Variants in STAG1 observed in about 807,000 individuals in gnomAD.
STAG1 encodes the protein STAG1 cohesin complex component.
In STAG1, 26 loss-of-function variants were observed where a neutral mutation model predicts 170.9. That is an observed-to-expected ratio of 0.15 (90% CI 0.11 to 0.21). The LOEUF is 0.21. Among genes scored for constraint, STAG1 ranks in the 10% least tolerant of loss-of-function variants. STAG1 has a pLI of 1.00. For missense variants in STAG1, 964 were observed against 1,509.5 expected (o/e 0.64, Z 5.99); for synonymous variants, 514 against 497.7 (o/e 1.03, Z -0.44).
chr3:136,611,218 A>G (rs1055902739), intron 3 of STAG1, among the ~76,000 whole-genome samples: 4 of 152,036 alleles, frequency 2.6e-5, no homozygotes, highest in African/African-American at 7.2e-5. Context: ...GGCACAATCT[A>G]GGCTCACTGC....
intron 1 of STAG1, among the ~76,000 whole-genome samples, chr3:136,697,693 C>A (rs1942939797): frequency 6.6e-6 from 1 of 152,204 alleles, no homozygotes; most frequent in Non-Finnish European, 1.5e-5. Context: ...ATGCAATGTA[C>A]TTTTTCTCAC....
At chr3:136,635,526 A>T (rs974741629) in intron 1 of STAG1, among the ~76,000 whole-genome samples, 2 of 152,198 alleles carry the variant, frequency 1.3e-5, no homozygotes, top group Non-Finnish European at 2.9e-5. Context: ...AATGGAGAGA[A>T]ACTCAAAGCT....
intron 1 of STAG1, among the ~76,000 whole-genome samples, chr3:136,696,436 AAC>A (rs948919020): frequency 6.6e-6 from 1 of 152,240 alleles, no homozygotes; most frequent in African/African-American, 2.4e-5. Context: ...GCAGTCAGAC[AAC>A]AGTGTATGAT....
chr3:136,582,890 G>C (rs561524069), intron 4 of STAG1, among the ~76,000 whole-genome samples: 1 of 152,268 alleles, frequency 6.6e-6, no homozygotes, highest in South Asian at 2.1e-4. Flanking sequence ...CTTGAGAGAT[G>C]AGCAAAGGGT....
chr3:136,692,509 C>T (rs1181740279), intron 1 of STAG1, among the ~76,000 whole-genome samples: 1 of 151,940 alleles, frequency 6.6e-6, no homozygotes, highest in East Asian at 1.9e-4. Context: ...GTAGCAAATG[C>T]CTGTAATCCC....
intron 1 of STAG1, among the ~76,000 whole-genome samples, chr3:136,664,911 A>G (rs572220622): frequency 6.6e-6 from 1 of 152,360 alleles, no homozygotes; most frequent in Non-Finnish European, 1.5e-5. Context: ...TTAAAAACTA[A>G]CAAAAGTATC....
chr3:136,693,120 A>AATAAATG (rs1942779718), intron 1 of STAG1, among the ~76,000 whole-genome samples: 3 of 152,208 alleles, frequency 2.0e-5, no homozygotes, highest in Admixed American at 1.3e-4. Context: ...TTTTTGTTTT[A>AATAAATG]AGTCTTGTCC....
chr3:136,454,684 C>T (rs2089054839), intron 13 of STAG1, among the ~76,000 whole-genome samples: 1 of 152,038 alleles, frequency 6.6e-6, no homozygotes, highest in Admixed American at 6.6e-5. Flanking sequence ...CCAGTTTGTG[C>T]CAATTTAAAT....
chr3:136,690,361 C>T lies in STAG1; in HGVS notation c.-83-59380G>A, dbSNP rs540486922. On this transcript the variant is annotated intron_variant, in intron 1 of 33. Transcript: ENST00000383202. ...AAGTGATTCTCCTGCCTCAGCCTCC[C>T]GAGTAGCTGGGACTACAGGCCCACG... Among the ~76,000 whole-genome samples, 4 of 152,268 alleles carry T rather than the reference C, an allele frequency of 2.6e-5. No individual in the cohort carries two copies. The South Asian group carries it at 6.2e-4, about 24-fold the overall frequency.
chr3:136,705,920 T>A (rs1245388543), intron 1 of STAG1, among the ~76,000 whole-genome samples: 3 of 150,694 alleles, frequency 2.0e-5, no homozygotes, highest in Non-Finnish European at 4.4e-5. Context: ...GGTGGGAGGA[T>A]CACTTGAGCC....
chr3:136,688,265 G>A (rs1942604072), intron 1 of STAG1, among the ~76,000 whole-genome samples: 1 of 152,284 alleles, frequency 6.6e-6, no homozygotes, highest in African/African-American at 2.4e-5. Flanking sequence ...CTTTCAATGA[G>A]ACTGACAAGA....
At chr3:136,426,174 G>A (rs1221257450) in intron 16 of STAG1, among the ~76,000 whole-genome samples, 1 of 151,834 alleles carries the variant, frequency 6.6e-6, no homozygotes, top group Non-Finnish European at 1.5e-5. Context: ...TTGGGAGGCC[G>A]AGGCGGGCAG....
intron 1 of STAG1, among the ~76,000 whole-genome samples, chr3:136,728,752 A>G (rs1320513790): frequency 6.6e-6 from 1 of 152,240 alleles, no homozygotes; most frequent in Non-Finnish European, 1.5e-5. Context: ...AGAAAGTTAC[A>G]TTAAACAGCA....
chr3:136,747,566 G>C (rs1935008132), intron 1 of STAG1, among the ~76,000 whole-genome samples: 2 of 151,960 alleles, frequency 1.3e-5, no homozygotes, highest in South Asian at 4.2e-4. Context: ...GCATGCACCT[G>C]TAGTCCCAGC....
At chr3:136,737,403 A>G (rs1198081831) in intron 1 of STAG1, among the ~76,000 whole-genome samples, 1 of 151,180 alleles carries the variant, frequency 6.6e-6, no homozygotes, top group Non-Finnish European at 1.5e-5. Context: ...TGCCGGGCCA[A>G]TTTTTGCATT....
chr3:136,359,111 A>G, intron 27 of STAG1, 37 bp downstream of exon 27: 1 of 1,527,218 alleles, frequency 6.5e-7, no homozygotes, highest in Non-Finnish European at 8.9e-7. Flanking sequence ...ATTCAAGTAA[A>G]TCAGATTCTG....
chr3:136,377,279 C>T (rs1435231012), intron 23 of STAG1, among the ~76,000 whole-genome samples: 93 of 142,776 alleles, frequency 6.5e-4, no homozygotes, highest in African/African-American at 2.3e-3. Context: ...CCCAGCTACT[C>T]GGGAGGCTGA....
Position 136,577,854 on chromosome 3 carries a change from C to G in STAG1, c.298-8993G>C, listed in dbSNP as rs544185009. On this transcript the variant is annotated intron_variant, in intron 4 of 33. Transcript: ENST00000383202. ...GCCAAATTCATTGGTATCAGGCGCA[C>G]TTACTAGAGATTCCAGACTTCATAC... is the stretch of plus-strand genomic sequence containing the variant. Among the ~76,000 whole-genome samples, 4 of 152,266 alleles carry G rather than the reference C, an allele frequency of 2.6e-5. No homozygotes were observed. In the South Asian group the frequency reaches 8.3e-4, roughly 32 times the overall value.
intron 1 of STAG1, among the ~76,000 whole-genome samples, chr3:136,646,280 T>G (rs892403541): frequency 6.6e-6 from 1 of 152,198 alleles, no homozygotes; most frequent in Non-Finnish European, 1.5e-5. Context: ...TGAGCCACCA[T>G]GCCTGGCTCA....
Sources: gnomAD v4.1 joint callset for allele counts (sites outside exome capture counted in the v4.1 genomes callset) on GRCh38, gnomAD v4.1.1 for gene constraint, MANE v1.5 for transcripts, NCBI Gene and HGNC (gene_info 2026-07-23, HGNC 2026-07-21) for gene names.